Variants in VPS37C observed in about 807,000 individuals in gnomAD.
VPS37C encodes the protein vacuolar protein sorting-associated protein 37C.
VPS37C carries 9 observed loss-of-function variants against 16.1 expected under a neutral mutation model. The ratio of observed to expected loss-of-function variants is 0.56; its 90% confidence interval spans 0.34 to 0.97. VPS37C has a LOEUF of 0.97. Ranked by LOEUF, VPS37C falls within the 50% of genes least tolerant of loss-of-function variation. VPS37C has a pLI of 0.02. For missense variants in VPS37C, 479 were observed against 472.7 expected (o/e 1.01, Z -0.12); for synonymous variants, 207 against 206.4 (o/e 1.00, Z -0.02).
chr11:61,134,993 A>G (rs1426123794), intron 2 of VPS37C, among the ~76,000 whole-genome samples: 1 of 152,222 alleles, frequency 6.6e-6, no homozygotes, highest in South Asian at 2.1e-4. Flanking sequence ...AGGGCTGAGG[A>G]GTCAGACCTG....
chr11:61,150,572 A>C (rs1408042362), intron 1 of VPS37C, among the ~76,000 whole-genome samples: 6 of 133,184 alleles, frequency 4.5e-5, no homozygotes, highest in Admixed American at 3.8e-4. Context: ...TTTTTTTTCC[A>C]AACAGAACAT....
chr11:61,134,098 G>A lies in VPS37C; in HGVS notation c.203C>T (p.Ser68Leu), dbSNP rs777661700. Reference protein sequence around the residue: ...GPLEISRSNLSDRYQELRKLV... With the variant: ...GPLEISRSNLLDRYQELRKLV... ...CTTCCGGAGCTCCTGGTATCTATCC[G>A]AGAGGTTTGAGCGGCTGATCTCCAG... Residue 68 changes from serine (S) to leucine (L), a missense_variant, in exon 3 of 5, where the codon TCG becomes TTG. Transcript: ENST00000301765. 35 of 1,613,820 alleles carry A rather than the reference G, an allele frequency of 2.2e-5. No individual in the cohort carries two copies. Among genetic ancestry groups the A allele is most frequent in the Non-Finnish European group, 3.0e-5 (35 of 1,179,952 alleles).
At chr11:61,133,958 T>C in intron 3 of VPS37C, 78 bp downstream of exon 3, 1 of 1,502,156 alleles carries the variant, frequency 6.7e-7, no homozygotes, top group Non-Finnish European at 8.9e-7. Flanking sequence ...ATAAAGCACT[T>C]AGCACAGGGC....
chr11:61,132,141 C>G lies in VPS37C; in HGVS notation c.747G>C (p.Gln249His). The change falls in exon 5 of 5, where the codon CAG becomes CAC. Residue 249 changes from glutamine (Q) to histidine (H), a missense_variant. Physicochemically the swap from Gln to His is conservative, Grantham distance 24 (BLOSUM62 0). Transcript: ENST00000301765. The part of the protein sequence containing the change: ...GPLGPTYPAA[Q>H]LGPRGAAGYS... ...AACCCGCAGCACCCCTGGGTCCAAG[C>G]TGGGCTGCCGGGTAAGTGGGGCCCA... 1 of 1,448,304 alleles carries G rather than the reference C, an allele frequency of 6.9e-7. No individual in the cohort carries two copies. Among genetic ancestry groups the G allele is most frequent in the South Asian group, 1.5e-5 (1 of 67,456 alleles). 89.7% of individuals were successfully genotyped at this position (1,448,304 alleles called of 1,614,324 possible). A position where few individuals can be genotyped will look rare whatever the true frequency, so the allele number is the denominator to read the frequency against.
rs771230868 is a variant in VPS37C at position 61,132,065 on chromosome 11, T to TCCCAGGATAGCCCGGC, written c.807_822dup (p.Thr275AlafsTer182). The stretch of plus-strand genomic sequence containing the variant: ...CCAGGCCCAGAGGCACCCATTGGGG[T>TCCCAGGATAGCCCGGC]CCCAGGATAGCCCGGCCGGGGTGGC... On this transcript the variant is annotated frameshift_variant, in exon 5 of 5. Transcript: ENST00000301765. LOFTEE classifies it low-confidence loss of function (END_TRUNC). 83 of 1,389,778 alleles carry TCCCAGGATAGCCCGGC rather than the reference T, an allele frequency of 6.0e-5. No individual in the cohort carries two copies. The highest frequency in any genetic ancestry group is 7.3e-5 in the Non-Finnish European group (78 of 1,067,634). 86.1% of individuals were successfully genotyped at this position (1,389,778 alleles called of 1,614,324 possible). A position where few individuals can be genotyped will look rare whatever the true frequency, so the allele number is the denominator to read the frequency against.
chr11:61,152,723 C>G (rs1045367625), intron 1 of VPS37C, among the ~76,000 whole-genome samples: 2 of 152,350 alleles, frequency 1.3e-5, no homozygotes, highest in East Asian at 3.9e-4. Context: ...AAAAACCACA[C>G]TTCCAGTCAC....
intron 1 of VPS37C, chr11:61,144,891 T>C (rs1371191236): frequency 6.6e-6 from 1 of 152,270 alleles, no homozygotes; most frequent in Admixed American, 6.5e-5. Context: ...CAGAAGGCAC[T>C]GCTGGCATGT....
chr11:61,158,938 A>C (rs1182091468), intron 1 of VPS37C, among the ~76,000 whole-genome samples: 1 of 152,226 alleles, frequency 6.6e-6, no homozygotes, highest in African/African-American at 2.4e-5. Context: ...TTCGGTAAGC[A>C]CCTGGGAACA....
rs1565191487 is a variant in VPS37C at position 61,134,220 on chromosome 11, G to C, written c.94-13C>G. On this transcript the variant is annotated splice_polypyrimidine_tract_variant and intron_variant, in intron 2 of 4. Transcript: ENST00000301765. ...GTAGGTCCTGGACCTAAAAGGGCAG[G>C]ACAACAGAACCTAAGGAAAACGTCC... The C allele has an allele frequency of 1.2e-6, 2 of 1,605,114 alleles. No homozygotes were observed. Among genetic ancestry groups the C allele is most frequent in the Admixed American group, 3.4e-5 (2 of 59,678 alleles).
At chr11:61,138,889 C>T in intron 1 of VPS37C, 54 bp from the exon 2 acceptor site, 1 of 1,531,748 alleles carries the variant, frequency 6.5e-7, no homozygotes, top group Non-Finnish European at 9.0e-7. Flanking sequence ...ACGAAGGGAC[C>T]CCCGAGCCTG....
intron 4 of VPS37C, 30 bp from the exon 5 acceptor site, chr11:61,132,569 G>A (rs1343793354): frequency 3.9e-6 from 6 of 1,541,308 alleles, no homozygotes; most frequent in Non-Finnish European, 5.3e-6. Flanking sequence ...GTGACAACAG[G>A]GGCAGCTGGG....
chr11:61,147,237 C>A (rs1853226273), intron 1 of VPS37C, among the ~76,000 whole-genome samples: 1 of 152,152 alleles, frequency 6.6e-6, no homozygotes, highest in South Asian at 2.1e-4. Context: ...CCATTTGCCA[C>A]AATGCACTGA....
chr11:61,132,452 G>GC lies in VPS37C; in HGVS notation c.435dup (p.Arg146AlafsTer46). The GC allele has an allele frequency of 1.9e-6, 3 of 1,613,128 alleles. No homozygotes were observed. The highest frequency in any genetic ancestry group is 1.7e-6 in the Non-Finnish European group (2 of 1,179,688). ...TGGAGCTTTTCCACGCGAACCCGGC[G>GC]CAGGTGGGACAGCATCCTCATGGAG... On this transcript the variant is annotated frameshift_variant, in exon 5 of 5. Transcript: ENST00000301765. LOFTEE classifies it low-confidence loss of function (END_TRUNC).
chr11:61,142,973 GC>G (rs1861498839), intron 1 of VPS37C, among the ~76,000 whole-genome samples: 1 of 50,330 alleles, frequency 2.0e-5, no homozygotes, highest in Admixed American at 2.2e-4. Context: ...AAAAAGAATA[GC>G]TAAAAAAAAA....
intron 2 of VPS37C, among the ~76,000 whole-genome samples, chr11:61,137,454 A>G (rs1861398048): frequency 6.6e-6 from 1 of 152,116 alleles, no homozygotes; most frequent in Admixed American, 6.6e-5. Context: ...ATTTTCCATG[A>G]TTCTCTGCTT....
At position 61,132,061 on chromosome 11, in the gene VPS37C, G is replaced by C; in HGVS notation, c.827C>G (p.Pro276Arg). ...GTACCCAGGCCCAGAGGCACCCATT[G>C]GGGTCCCAGGATAGCCCGGCCGGGG... ...MPPRPGYPGT[P>R]MGASGPGYPL... The change falls in exon 5 of 5, where the codon CCA becomes CGA. Residue 276 changes from proline (P) to arginine (R), a missense_variant. Pro to Arg is a moderately radical substitution (Grantham distance 103). Coordinates refer to ENST00000301765, the MANE Select transcript of VPS37C (RefSeq NM_017966.5). 5.0e-6 allele frequency: 7 copies of C among 1,390,762 alleles called. No homozygotes were observed. The highest frequency in any genetic ancestry group is 1.7e-5 in the South Asian group (1 of 57,480). The allele number at this position is 1,390,762 out of a possible 1,614,324, so 86.2% of individuals were successfully genotyped here.
In VPS37C at chr11:61,132,325, G is replaced by A. The variant is rs1861283091; in HGVS notation, c.563C>T (p.Pro188Leu). Residue 188 changes from proline to leucine, a missense_variant, in exon 5 of 5, where the codon CCT becomes CTT. Transcript: ENST00000301765. ...TGGCTGCGGCTGCTCTTCAACCACA[G>A]GGGGTGTTCCCTGGGGGACTGGGCG... ...PVRPVPQGTP[P>L]VVEEQPQPPL... 1.3e-6 allele frequency: 2 copies of A among 1,597,596 alleles called. No homozygotes were observed. Among genetic ancestry groups the A allele is most frequent in the Non-Finnish European group, 1.7e-6 (2 of 1,170,480 alleles).
chr11:61,158,707 C>T (rs1367691930), intron 1 of VPS37C, among the ~76,000 whole-genome samples: 1 of 152,194 alleles, frequency 6.6e-6, no homozygotes, highest in Non-Finnish European at 1.5e-5. Flanking sequence ...ACTGGGGAGA[C>T]TCTCTCTCCT....
chr11:61,133,304 A>G lies in VPS37C; in HGVS notation c.299T>C (p.Leu100Ser), dbSNP rs1172541579. 6.2e-7 allele frequency: 1 copy of G among 1,614,096 alleles called. No homozygotes were observed. Among genetic ancestry groups the G allele is most frequent in the Non-Finnish European group, 8.5e-7 (1 of 1,180,016 alleles). Residue 100 changes from leucine to serine, a missense_variant, in exon 4 of 5, where the codon TTG (leucine) becomes TCG (serine). Coordinates refer to ENST00000301765, the MANE Select transcript of VPS37C (RefSeq NM_017966.5). ...GCCTTCCACCTGCAGAAGGTCTAACAAGGTCCCTGGCTGCAGTGCTGAAGA... is the reference window on the plus strand; with the variant it reads ...GCCTTCCACCTGCAGAAGGTCTAACGAGGTCCCTGGCTGCAGTGCTGAAGA... ...KFSSALQPGTLLDLLQVEGMK... is the reference protein window; with the variant it reads ...KFSSALQPGTSLDLLQVEGMK...
Sources: allele counts gnomAD v4.1 joint callset (sites outside exome capture counted in the v4.1 genomes callset), GRCh38; gene constraint gnomAD v4.1.1; transcripts MANE v1.5; gene names NCBI Gene and HGNC (gene_info 2026-07-23, HGNC 2026-07-21).